KIAA1755: variants seen among roughly 807,000 people sequenced by gnomAD.
The protein encoded by KIAA1755 is KIAA1755.
In KIAA1755, 68 loss-of-function variants were observed where a neutral mutation model predicts 91.7. The observed-to-expected ratio is 0.74, with a 90% CI of 0.61 to 0.91. The LOEUF is 0.91. KIAA1755 is among the 40% of genes least tolerant of loss of function. The pLI is 0.00. For missense variants in KIAA1755, 1,535 were observed against 1,494.4 expected (o/e 1.03, Z -0.45); for synonymous variants, 610 against 604.6 (o/e 1.01, Z -0.13).
At chr20:38,226,061 C>G (rs1411280231) in intron 7 of KIAA1755, among the ~76,000 whole-genome samples, 1 of 152,312 alleles carries the variant, frequency 6.6e-6, no homozygotes. Context: ...TCATAGCACT[C>G]GTTCCCTCTG....
Position 38,228,178 on chromosome 20 carries a change from G to A in KIAA1755, c.1934C>T (p.Pro645Leu). Residue 645 changes from proline (P) to leucine (L), a missense_variant, in exon 6 of 14, where the codon CCC becomes CTC. Coordinates refer to ENST00000279024, the MANE Select transcript of KIAA1755 (RefSeq NM_001029864.2). ...GGCCTGCAGGGCGCTGACCAGACCG[G>A]GCTGTGGGGGCTGTCTCCTGGCGTC... ...LIDARRQPPQ[P>L]GLVSALQATQ... The A allele has an allele frequency of 6.2e-7, 1 of 1,605,468 alleles. No individual in the cohort carries two copies. Among genetic ancestry groups the A allele is most frequent in the Non-Finnish European group, 8.5e-7 (1 of 1,176,498 alleles).
chr20:38,246,060 T>A lies in KIAA1755; in HGVS notation c.70A>T (p.Thr24Ser). 3 of 1,614,042 alleles carry A rather than the reference T, an allele frequency of 1.9e-6. No individual in the cohort carries two copies. The highest frequency in any genetic ancestry group is 2.5e-6 in the Non-Finnish European group (3 of 1,180,012). The part of the protein sequence containing the change: ...LAGLYPPFEA[T>S]APTVLGQVFR... ...ACCTGACCCAGGACGGTGGGTGCTG[T>A]GGCCTCGAAAGGAGGATAGAGGCCC... Residue 24 changes from threonine (T) to serine (S), a missense_variant, in exon 2 of 14, where the codon ACA becomes TCA. Thr to Ser is a moderately conservative substitution (Grantham distance 58). Coordinates refer to ENST00000279024, the MANE Select transcript of KIAA1755 (RefSeq NM_001029864.2).
intron 1 of KIAA1755, 125 bp from the exon 2 acceptor site, chr20:38,246,251 C>T (rs1297777624): frequency 1.1e-5 from 8 of 735,632 alleles, no homozygotes; most frequent in Non-Finnish European, 1.8e-5. Context: ...TCTCCTACCC[C>T]ACCCCCCTCA....
At chr20:38,243,175 G>C (rs1286942891) in intron 2 of KIAA1755, among the ~76,000 whole-genome samples, 1 of 152,232 alleles carries the variant, frequency 6.6e-6, no homozygotes, top group African/African-American at 2.4e-5. Context: ...ATATAATTTG[G>C]ATGTGTGTAG....
At chr20:38,259,589 T>C (rs929126459) in intron 1 of KIAA1755, among the ~76,000 whole-genome samples, 7 of 94 alleles carry the variant, frequency 0.074, no homozygotes, top group African/African-American at 0.21. Flanking sequence ...CTTGTGGAGA[T>C]GCATTTGCTG....
intron 1 of KIAA1755, 120 bp from the exon 2 acceptor site, chr20:38,246,246 TA>T (rs1387145169): frequency 2.6e-6 from 2 of 769,740 alleles, no homozygotes; most frequent in Non-Finnish European, 4.2e-6. Flanking sequence ...CCTCCTCTCC[TA>T]CCCCACCCCC....
intron 1 of KIAA1755, among the ~76,000 whole-genome samples, chr20:38,258,609 T>C (rs2076379887): frequency 6.6e-6 from 1 of 151,922 alleles, no homozygotes; most frequent in Non-Finnish European, 1.5e-5. Context: ...GAGGTGACAT[T>C]TGGGTGAAGA....
intron 6 of KIAA1755, 53 bp downstream of exon 6, chr20:38,228,094 C>T: frequency 2.2e-6 from 3 of 1,351,876 alleles, no homozygotes; most frequent in Non-Finnish European, 3.0e-6. Flanking sequence ...TGTCAGGAGG[C>T]CCCTGGTGGC....
At chr20:38,235,999 G>C (rs559205097) in intron 4 of KIAA1755, among the ~76,000 whole-genome samples, 1 of 152,186 alleles carries the variant, frequency 6.6e-6, no homozygotes, top group African/African-American at 2.4e-5. Flanking sequence ...AACAGAGGCC[G>C]GTGTGGACGC....
At chr20:38,228,337 T>C (rs1411840035) in intron 5 of KIAA1755, 97 bp from the exon 6 acceptor site, 4 of 870,860 alleles carry the variant, frequency 4.6e-6, no homozygotes, top group Non-Finnish European at 5.0e-6. Context: ...CTAGAAACCT[T>C]GATTTACTGG....
intron 4 of KIAA1755, among the ~76,000 whole-genome samples, chr20:38,236,454 G>A (rs2075961946): frequency 6.6e-6 from 1 of 152,196 alleles, no homozygotes; most frequent in Admixed American, 6.5e-5. Context: ...GGATGGAGAG[G>A]AGAAAGGGAC....
chr20:38,240,456 T>G, intron 3 of KIAA1755, 126 bp downstream of exon 3: 1 of 933,196 alleles, frequency 1.1e-6, no homozygotes, highest in South Asian at 3.2e-5. Flanking sequence ...CATGCCACAC[T>G]GTATACTAAA....
At chr20:38,214,486 AC>A (rs2075510546) in intron 13 of KIAA1755, among the ~76,000 whole-genome samples, 1 of 152,222 alleles carries the variant, frequency 6.6e-6, no homozygotes, top group South Asian at 2.1e-4. Flanking sequence ...GCAGGATTGC[AC>A]TGAACTGCAC....
intron 1 of KIAA1755, chr20:38,260,293 A>G (rs1329442967): frequency 6.5e-7 from 1 of 1,550,032 alleles, no homozygotes. Context: ...CACATGGAGA[A>G]GCCAGGAGAG....
In KIAA1755 at chr20:38,241,321, G is replaced by A. The variant is rs1438236443; in HGVS notation, c.810C>T (p.Asp270=). ...AFRMDEVVSQ[D]FEGDYVALLG... is the part of the protein sequence containing the mutation. ...GGAGAGCCACATAGTCTCCCTCGAA[G>A]TCCTGGCTGACCACCTCGTCCATCC... The change falls in exon 3 of 14, where the codon GAC becomes GAT. Residue 270 remains aspartate, a synonymous_variant. Transcript: ENST00000279024. The A allele has an allele frequency of 3.1e-6, 5 of 1,614,040 alleles. No individual in the cohort carries two copies. Among genetic ancestry groups the A allele is most frequent in the Non-Finnish European group, 4.2e-6 (5 of 1,180,026 alleles).
chr20:38,235,998 C>T (rs536392396), intron 4 of KIAA1755, among the ~76,000 whole-genome samples: 8 of 152,270 alleles, frequency 5.3e-5, no homozygotes, highest in African/African-American at 7.2e-5. Context: ...CAACAGAGGC[C>T]GGTGTGGACG....
At position 38,223,646 on chromosome 20, in the gene KIAA1755, A is replaced by G. The variant is rs781333752; in HGVS notation, c.2170-10T>C. The G allele has an allele frequency of 1.3e-6, 2 of 1,599,414 alleles. No individual in the cohort carries two copies. Among genetic ancestry groups the G allele is most frequent in the Non-Finnish European group, 1.7e-6 (2 of 1,172,526 alleles). Reference sequence around the variant, plus strand: ...GGAAAGGGTCCAGCTTCTGCAGGACAGAGGACCAAAGGGCAGGTGTCAGCC... The same window carrying G: ...GGAAAGGGTCCAGCTTCTGCAGGACGGAGGACCAAAGGGCAGGTGTCAGCC... On this transcript the variant is annotated splice_polypyrimidine_tract_variant and intron_variant, in intron 8 of 13. Coordinates refer to ENST00000279024, the MANE Select transcript of KIAA1755 (RefSeq NM_001029864.2).
At position 38,217,302 on chromosome 20, in the gene KIAA1755, T is replaced by C; in HGVS notation, c.2852A>G (p.Gln951Arg). 1 of 1,608,878 alleles carries C rather than the reference T, an allele frequency of 6.2e-7. No individual in the cohort carries two copies. The change falls in exon 13 of 14, where the codon CAA (glutamine) becomes CGA (arginine). Residue 951 changes from glutamine (Q) to arginine (R), a missense_variant. Transcript: ENST00000279024. ...GAGCAGCGTCTCGAGGTCCGTGCGT[T>C]GCCGCTCGGCCGCCATGTAAAAGTG... ...LTHFYMAAER[Q>R]RTDLETLLHL... is the part of the protein sequence containing the mutation.
At chr20:38,229,021 C>G (rs1196346642) in intron 5 of KIAA1755, among the ~76,000 whole-genome samples, 1 of 152,192 alleles carries the variant, frequency 6.6e-6, no homozygotes, top group Non-Finnish European at 1.5e-5. Context: ...CCCCACCCCT[C>G]TAGCCATCTG....
Sources: gnomAD v4.1 joint callset for allele counts (sites outside exome capture counted in the v4.1 genomes callset) on GRCh38, gnomAD v4.1.1 for gene constraint, MANE v1.5 for transcripts, NCBI Gene and HGNC (gene_info 2026-07-23, HGNC 2026-07-21) for gene names.